KAT7: variants seen among roughly 807,000 people sequenced by gnomAD.
The protein encoded by KAT7 is lysine acetyltransferase 7.
KAT7 carries 10 observed loss-of-function variants against 82.1 expected under a neutral mutation model. The ratio of observed to expected loss-of-function variants is 0.12; its 90% CI spans 0.08 to 0.21. The LOEUF is 0.21. KAT7 is among the 10% of genes least tolerant of loss of function. KAT7 has a pLI of 1.00. For missense variants in KAT7, 378 were observed against 760.9 expected, an observed-to-expected ratio of 0.50 and a Z score of 5.92; for synonymous variants, 250 against 262.5, an observed-to-expected ratio of 0.95 and a Z score of 0.46.
At chr17:49,806,144 G>A (rs145516179) in intron 5 of KAT7, among the ~76,000 whole-genome samples, 67 of 152,276 alleles carry the variant, frequency 4.4e-4, no homozygotes, top group Non-Finnish European at 6.8e-4. Context: ...GGTTATCTAA[G>A]CTGGTTAGAC....
At chr17:49,792,503 A>C (rs1468113243) in intron 2 of KAT7, among the ~76,000 whole-genome samples, 1 of 151,826 alleles carries the variant, frequency 6.6e-6, no homozygotes, top group Non-Finnish European at 1.5e-5. Flanking sequence ...TAGAATTTTG[A>C]ATTTCGGTCT....
rs1256431338 is a variant in KAT7 at position 49,828,729 on chromosome 17, A to G, written c.*1227A>G. On this transcript the variant is annotated 3_prime_UTR_variant, in exon 15 of 15. Transcript: ENST00000259021. ...GTTCCCTCTAATTTCTCTCTAGCCC[A>G]TTATAACCTGCTATCTTGGGGCAAC... is the stretch of plus-strand genomic sequence containing the variant. 6.5e-6 allele frequency: 1 copy of G among 153,032 alleles called. No homozygotes were observed. The highest frequency in any genetic ancestry group is 6.5e-5 in the Admixed American group (1 of 15,280). The allele number at this position is 153,032 out of a possible 1,614,324, so 9.5% of individuals were successfully genotyped here. A position where few individuals can be genotyped will look rare whatever the true frequency, so the allele number is the denominator to read the frequency against.
chr17:49,803,262 C>T (rs965908204), intron 4 of KAT7, among the ~76,000 whole-genome samples: 1 of 151,632 alleles, frequency 6.6e-6, no homozygotes, highest in Non-Finnish European at 1.5e-5. Context: ...GCATGCATCA[C>T]CATGCTGGTC....
At position 49,796,908 on chromosome 17, in the gene KAT7, G is replaced by C; in HGVS notation, c.322G>C (p.Val108Leu). 1.9e-6 allele frequency: 3 copies of C among 1,614,114 alleles called. No homozygotes were observed. The highest frequency in any genetic ancestry group is 1.6e-4 in the Middle Eastern group (1 of 6,062). Residue 108 changes from valine (V) to leucine (L), a missense_variant, in exon 3 of 15, where the codon GTT (valine) becomes CTT (leucine). Val to Leu is a conservative substitution (Grantham distance 32, BLOSUM62 1). Around this residue, in one of 6 missense-constraint regions of KAT7, gnomAD observed 161 missense variants for 229.6 expected, o/e 0.70. Coordinates refer to ENST00000259021, the MANE Select transcript of KAT7 (RefSeq NM_007067.5). ...ATCTGGTTCAGAAACTGAGCAAGTG[G>C]TTGATTTTTCAGATAGAGGTGAGTG... ...RSSGSETEQV[V>L]DFSDRETKNT...
intron 11 of KAT7, among the ~76,000 whole-genome samples, chr17:49,822,492 A>G (rs2074317472): frequency 6.6e-6 from 1 of 152,112 alleles, no homozygotes; most frequent in Non-Finnish European, 1.5e-5. Flanking sequence ...TAGCCTCCTA[A>G]AGTGCTAGGA....
At chr17:49,815,521 C>T (rs1426245576) in intron 7 of KAT7, 4 of 268,794 alleles carry the variant, frequency 1.5e-5, no homozygotes, top group East Asian at 6.6e-5. Context: ...GAAGGAACAG[C>T]GTTCTGATCC....
At chr17:49,797,014 T>G (rs1027280568) in intron 3 of KAT7, 88 bp downstream of exon 3, 10 of 1,007,320 alleles carry the variant, frequency 9.9e-6, no homozygotes, top group Non-Finnish European at 1.5e-5. Flanking sequence ...TGCAGGTAGA[T>G]GCCTAATACT....
In KAT7 at chr17:49,832,368, A is replaced by G. The variant is rs1465026259; in HGVS notation, c.*4866A>G. The G allele has an allele frequency of 6.6e-6, 1 of 152,402 alleles. No homozygotes were observed. The allele number at this position is 152,402 out of a possible 1,614,324, so 9.4% of individuals were successfully genotyped here. The stretch of plus-strand genomic sequence containing the variant: ...CCTATAGTTCTGGGTGGGGTGGGTC[A>G]AAACAAAGTCTCGAGCTGTACCAGG... On this transcript the variant is annotated 3_prime_UTR_variant, in exon 15 of 15. Transcript: ENST00000259021.
intron 7 of KAT7, among the ~76,000 whole-genome samples, chr17:49,813,000 CTTTTTTTTTTTT>C (rs34339283): frequency 2.9e-5 from 3 of 102,796 alleles, no homozygotes; most frequent in South Asian, 3.2e-4. Flanking sequence ...TGCACCCAGC[CTTTTTTTTTTTT>C]TTTTTTTTTT....
chr17:49,804,289 G>T (rs2074063362), intron 4 of KAT7, among the ~76,000 whole-genome samples: 1 of 151,750 alleles, frequency 6.6e-6, no homozygotes, highest in Non-Finnish European at 1.5e-5. Flanking sequence ...TGAGGCGGGA[G>T]AATGGCGTGA....
At chr17:49,814,334 T>G (rs1221266604) in intron 7 of KAT7, among the ~76,000 whole-genome samples, 2 of 152,210 alleles carry the variant, frequency 1.3e-5, no homozygotes, top group Non-Finnish European at 2.9e-5. Flanking sequence ...CAGTGAGGGC[T>G]TTAGTAGTGG....
chr17:49,805,527 A>G (rs978279205), intron 5 of KAT7, 82 bp downstream of exon 5: 17 of 884,658 alleles, frequency 1.9e-5, no homozygotes, highest in Admixed American at 8.1e-5. Flanking sequence ...CTGGGGATAC[A>G]GTGGCCAACA....
intron 8 of KAT7, among the ~76,000 whole-genome samples, chr17:49,816,221 A>G (rs2143948420): frequency 6.6e-6 from 1 of 152,272 alleles, no homozygotes; most frequent in South Asian, 2.1e-4. Flanking sequence ...GCAATTTGCA[A>G]TTCTGAGAAC....
chr17:49,800,864 A>G (rs949050722), intron 4 of KAT7, among the ~76,000 whole-genome samples: 8 of 152,186 alleles, frequency 5.3e-5, no homozygotes, highest in African/African-American at 1.9e-4. Context: ...GTGTATGTAT[A>G]TGTGACATAT....
intron 4 of KAT7, among the ~76,000 whole-genome samples, chr17:49,799,950 G>C (rs1052369358): frequency 6.6e-6 from 1 of 150,952 alleles, no homozygotes; most frequent in African/African-American, 2.4e-5. Flanking sequence ...GACTACAAGC[G>C]TGAGCCACCA....
At chr17:49,819,929 C>T in intron 9 of KAT7, among the ~76,000 whole-genome samples, 1 of 152,110 alleles carries the variant, frequency 6.6e-6, no homozygotes, top group East Asian at 1.9e-4. Flanking sequence ...CTTGAGTTGA[C>T]AAAAAGAGTT....
rs1051013120 is a variant in KAT7 at position 49,817,673 on chromosome 17, G to A, written c.964-147G>A. The A allele has an allele frequency of 3.3e-6, 2 of 603,816 alleles. 1 individual carries two copies. Among genetic ancestry groups the A allele is most frequent in the Admixed American group, 5.9e-5 (2 of 33,802 alleles). 37.4% of individuals were successfully genotyped at this position (603,816 alleles called of 1,614,324 possible). On this transcript the variant is annotated intron_variant, in intron 8 of 14. Transcript: ENST00000259021. The stretch of plus-strand genomic sequence containing the variant: ...GTAGAGATGGGGTTTTGCCATTTCG[G>A]CCAGGCTGGTCTCGAACTCCTGGCC...
At chr17:49,808,541 C>T (rs2074120992) in intron 5 of KAT7, among the ~76,000 whole-genome samples, 6 of 151,852 alleles carry the variant, frequency 4.0e-5, no homozygotes, top group Non-Finnish European at 7.4e-5. Context: ...ACTTCTACCT[C>T]CCGGGTTCAA....
chr17:49,795,323 A>C, intron 2 of KAT7: 1 of 173,026 alleles, frequency 5.8e-6, no homozygotes, highest in Non-Finnish European at 1.3e-5. Context: ...CACGGAGGGA[A>C]TTGAGCCAGC....
Sources: gnomAD v4.1 joint callset for allele counts (sites outside exome capture counted in the v4.1 genomes callset) on GRCh38, gnomAD v4.1.1 for gene constraint, gnomAD v4.1.1 regional missense constraint, MANE v1.5 for transcripts, NCBI Gene and HGNC (gene_info 2026-07-23, HGNC 2026-07-21) for gene names.